Variants in WDFY3 observed in about 807,000 individuals in gnomAD.
WDFY3 encodes WD repeat and FYVE domain containing 3, also known as WD repeat and FYVE domain-containing protein 3.
WDFY3 carries 66 observed loss-of-function variants against 409.6 expected under a neutral mutation model. The ratio of observed to expected loss-of-function variants is 0.16; its 90% CI spans 0.13 to 0.20. The LOEUF is 0.20. Among genes scored for constraint, WDFY3 ranks in the 10% least tolerant of loss-of-function variants. WDFY3 has a pLI of 1.00. For missense variants in WDFY3, 3,031 were observed against 4,298.1 expected, an observed-to-expected ratio of 0.71 and a Z score of 8.24; for synonymous variants, 1,521 against 1,537.1, an observed-to-expected ratio of 0.99 and a Z score of 0.25.
chr4:84,913,008 T>G (rs568001482), intron 2 of WDFY3, among the ~76,000 whole-genome samples: 1 of 152,302 alleles, frequency 6.6e-6, no homozygotes, highest in South Asian at 2.1e-4. Flanking sequence ...CCACTGATAC[T>G]TTGTCGCTGA....
chr4:84,746,941 T>C (rs1739554940), intron 36 of WDFY3, among the ~76,000 whole-genome samples: 1 of 152,074 alleles, frequency 6.6e-6, no homozygotes, highest in Admixed American at 6.5e-5. Flanking sequence ...TCACCAGTTA[T>C]GTCATACTCT....
intron 12 of WDFY3, 135 bp downstream of exon 12, chr4:84,819,950 G>T: frequency 4.3e-6 from 3 of 692,946 alleles, no homozygotes; most frequent in Middle Eastern, 4.3e-4. Context: ...CATTTTTAGG[G>T]ACATGACGGG....
intron 44 of WDFY3, among the ~76,000 whole-genome samples, chr4:84,732,408 T>C (rs1390821448): frequency 3.3e-5 from 5 of 152,190 alleles, no homozygotes; most frequent in African/African-American, 1.2e-4. Flanking sequence ...TGAAAAGTAC[T>C]CTTAGCAATT....
At chr4:84,892,417 T>A (rs556255162) in intron 3 of WDFY3, among the ~76,000 whole-genome samples, 1 of 152,222 alleles carries the variant, frequency 6.6e-6, no homozygotes, top group African/African-American at 2.4e-5. Flanking sequence ...TAAAGTATTT[T>A]AAAGGTTTTA....
At chr4:84,869,013 T>C (rs1294032183) in intron 3 of WDFY3, among the ~76,000 whole-genome samples, 1 of 152,214 alleles carries the variant, frequency 6.6e-6, no homozygotes, top group African/African-American at 2.4e-5. Context: ...GACTGCATAA[T>C]ACTGACAAGT....
chr4:84,923,122 C>T (rs958739723), intron 2 of WDFY3, among the ~76,000 whole-genome samples: 2 of 152,030 alleles, frequency 1.3e-5, no homozygotes, highest in Non-Finnish European at 2.9e-5. Flanking sequence ...CCCCAAAATG[C>T]CATTCTGGCA....
At chr4:84,954,782 G>A (rs566291180) in intron 1 of WDFY3, among the ~76,000 whole-genome samples, 2 of 152,248 alleles carry the variant, frequency 1.3e-5, no homozygotes, top group South Asian at 2.1e-4. Flanking sequence ...ATGTTTTATA[G>A]CTGCTTATTT....
At chr4:84,754,865 A>G (rs1002303617) in intron 34 of WDFY3, among the ~76,000 whole-genome samples, 2 of 152,174 alleles carry the variant, frequency 1.3e-5, no homozygotes, top group African/African-American at 4.8e-5. Flanking sequence ...TATTACATTA[A>G]TAAGTTAATA....
Position 84,740,354 on chromosome 4 carries a change from G to T in WDFY3, c.6297C>A (p.Ile2099=). 6.2e-7 allele frequency: 1 copy of T among 1,614,114 alleles called. No homozygotes were observed. The highest frequency in any genetic ancestry group is 8.5e-7 in the Non-Finnish European group (1 of 1,180,016). The change falls in exon 39 of 68, where the codon ATC becomes ATA. Residue 2099 remains isoleucine (I), a synonymous_variant. Transcript: ENST00000295888. ...TGTGTGCCCGTGAGAACTGGTACAAGATGGTCCTATTGAGGCAATGATACA... is the reference window on the plus strand; with the variant it reads ...TGTGTGCCCGTGAGAACTGGTACAATATGGTCCTATTGAGGCAATGATACA... The part of the protein sequence containing the change: ...DAVYHCLNRT[I]LYQFSRAHKT...
intron 29 of WDFY3, 108 bp downstream of exon 29, chr4:84,774,712 C>T (rs920300814): frequency 9.2e-7 from 1 of 1,085,148 alleles, no homozygotes; most frequent in Non-Finnish European, 1.3e-6. Context: ...ATTAACATTA[C>T]AGGTGTTATT....
At chr4:84,933,173 T>C (rs557849531) in intron 1 of WDFY3, among the ~76,000 whole-genome samples, 1 of 152,304 alleles carries the variant, frequency 6.6e-6, no homozygotes, top group South Asian at 2.1e-4. Flanking sequence ...GAGCTATGTG[T>C]TTTTGTTATG....
chr4:84,894,611 AC>A (rs1336696274), intron 3 of WDFY3, among the ~76,000 whole-genome samples: 1 of 151,994 alleles, frequency 6.6e-6, no homozygotes, highest in African/African-American at 2.4e-5. Flanking sequence ...ACATAGTGAA[AC>A]CCTGTCTCTA....
chr4:84,809,548 C>T (rs1752122461), intron 14 of WDFY3: 1 of 190,270 alleles, frequency 5.3e-6, no homozygotes, highest in South Asian at 1.2e-4. Flanking sequence ...ATTGATAACA[C>T]ATATCAATAA....
At chr4:84,829,414 A>G (rs907514338) in intron 8 of WDFY3, among the ~76,000 whole-genome samples, 86 of 152,190 alleles carry the variant, frequency 5.7e-4, no homozygotes, top group African/African-American at 1.9e-3. Flanking sequence ...GTGTTGAAAA[A>G]TAGTTGACAT....
intron 3 of WDFY3, among the ~76,000 whole-genome samples, chr4:84,892,422 G>C (rs1375517807): frequency 6.6e-6 from 1 of 151,788 alleles, no homozygotes; most frequent in Non-Finnish European, 1.5e-5. Flanking sequence ...TATTTTAAAG[G>C]TTTTAAAATA....
At chr4:84,791,644 G>A (rs936466931) in intron 21 of WDFY3, among the ~76,000 whole-genome samples, 3 of 152,070 alleles carry the variant, frequency 2.0e-5, no homozygotes, top group Admixed American at 6.6e-5. Context: ...TATGCTCAAC[G>A]ACACAAGAGG....
intron 12 of WDFY3, among the ~76,000 whole-genome samples, chr4:84,819,673 G>C (rs1753792497): frequency 6.6e-6 from 1 of 152,036 alleles, no homozygotes; most frequent in Non-Finnish European, 1.5e-5. Context: ...CGTTTTATTA[G>C]AGAATCATTG....
chr4:84,775,250 C>T (rs911801885), intron 27 of WDFY3, 112 bp from the exon 28 acceptor site: 74 of 930,668 alleles, frequency 8.0e-5, no homozygotes, highest in Non-Finnish European at 1.2e-4. Flanking sequence ...TAATTATTAT[C>T]TTGTAAAGTT....
Position 84,779,970 on chromosome 4 carries a change from T to G in WDFY3, c.4365+138A>C. On this transcript the variant is annotated intron_variant, in intron 26 of 67. Coordinates refer to ENST00000295888, the MANE Select transcript of WDFY3 (RefSeq NM_014991.6). ...ATACTTTCATTTGACATATATTAGT[T>G]TTCATAAAACTACTGTCTCTTTAAG... The G allele has an allele frequency of 3.1e-6, 3 of 969,590 alleles. No homozygotes were observed. The South Asian group carries it at 7.9e-5, about 26-fold the overall frequency. The allele number at this position is 969,590 out of a possible 1,614,324, so 60.1% of individuals were successfully genotyped here.
Sources: gnomAD v4.1 joint callset for allele counts (sites outside exome capture counted in the v4.1 genomes callset) on GRCh38, gnomAD v4.1.1 for gene constraint, MANE v1.5 for transcripts, NCBI Gene and HGNC (gene_info 2026-07-23, HGNC 2026-07-21) for gene names.